The following ADARB2 variants were observed in gnomAD, a reference collection of about 807,000 sequenced individuals.
ADARB2 encodes adenosine deaminase RNA specific B2 (inactive), also known as inactive double-stranded RNA-specific editase B2.
In ADARB2, 25 loss-of-function variants were observed where a neutral mutation model predicts 62.2. The observed-to-expected ratio is 0.40, with a 90% CI of 0.29 to 0.56. The LOEUF (loss-of-function observed/expected upper bound fraction) is 0.56. ADARB2 is among the 20% of genes least tolerant of loss of function. ADARB2 has a pLI of 0.43. For missense variants in ADARB2, 1,071 were observed against 1,077.4 expected (o/e 0.99, Z 0.08); for synonymous variants, 572 against 500.8 (o/e 1.14, Z -1.90).
chr10:1,338,854 G>T (rs1360092729), intron 3 of ADARB2, among the ~76,000 whole-genome samples: 1 of 152,106 alleles, frequency 6.6e-6, no homozygotes, highest in Non-Finnish European at 1.5e-5. Context: ...TTCCTTGCAT[G>T]GGCTGGAGGG....
chr10:1,399,188 C>G (rs890612495), intron 1 of ADARB2, among the ~76,000 whole-genome samples: 5 of 152,142 alleles, frequency 3.3e-5, no homozygotes, highest in Admixed American at 2.0e-4. Context: ...GCAGTCAGTC[C>G]CCTGTGCTGA....
rs544650835 is a variant in ADARB2, at chr10:1,259,008, C to T, written c.1192+11947G>A. ...GGATTAAGAAACTCAGTCAAAACTG[C>T]TCAACTACATGGAAACTGAACAACC... On this transcript the variant is annotated intron_variant, in intron 4 of 9. Coordinates refer to ENST00000381312, the MANE Select transcript of ADARB2 (RefSeq NM_018702.4). Among the ~76,000 whole-genome samples, 6 of 152,338 alleles carry T rather than the reference C, an allele frequency of 3.9e-5. No homozygotes were observed. The South Asian group carries it at 1.2e-3, about 32-fold the overall frequency.
Position 1,327,727 on chromosome 10 carries a change from A to G in ADARB2, c.1077+35301T>C, listed in dbSNP as rs117573494. Among the ~76,000 whole-genome samples the G allele has an allele frequency of 7.1e-4, 20 of 28,232 alleles. 2 individuals carry two copies. Among genetic ancestry groups the G allele is most frequent in the Non-Finnish European group, 7.5e-4 (10 of 13,362 alleles). 18.5% of individuals were successfully genotyped at this position (28,232 alleles called of 152,430 possible). A position where few individuals can be genotyped will look rare whatever the true frequency, so the allele number is the denominator to read the frequency against. On this transcript the variant is annotated intron_variant, in intron 3 of 9. Transcript: ENST00000381312. ...GTTTAGTGCCTACCCACAGTTCAGC[A>G]CCTCCCACGGCACAGCGCCTCACTG...
At chr10:1,494,449 A>G (rs760940618) in intron 1 of ADARB2, among the ~76,000 whole-genome samples, 114 of 152,194 alleles carry the variant, frequency 7.5e-4, no homozygotes, top group Non-Finnish European at 1.5e-3. Context: ...TAATAATAAC[A>G]CCACCAGCTA....
At chr10:1,346,690 G>T (rs1162549312) in intron 3 of ADARB2, among the ~76,000 whole-genome samples, 2 of 152,240 alleles carry the variant, frequency 1.3e-5, no homozygotes, top group African/African-American at 2.4e-5. Context: ...GATGCCAGGG[G>T]TGCCCCACCC....
At chr10:1,257,278 G>A (rs557673299) in intron 4 of ADARB2, among the ~76,000 whole-genome samples, 23 of 152,248 alleles carry the variant, frequency 1.5e-4, no homozygotes, top group African/African-American at 5.3e-4. Flanking sequence ...TGGGGAGGCC[G>A]CCCTGAACCC....
intron 1 of ADARB2, among the ~76,000 whole-genome samples, chr10:1,591,648 G>A (rs902556427): frequency 2.5e-5 from 2 of 78,836 alleles, no homozygotes; most frequent in Non-Finnish European, 5.0e-5. Flanking sequence ...CTTACACACA[G>A]AGGCGTGCAC....
chr10:1,309,919 C>G (rs1831673187), intron 3 of ADARB2, among the ~76,000 whole-genome samples: 1 of 152,254 alleles, frequency 6.6e-6, no homozygotes, highest in Non-Finnish European at 1.5e-5. Flanking sequence ...TGCGGGCACA[C>G]CTGGGGCCGC....
intron 7 of ADARB2, among the ~76,000 whole-genome samples, chr10:1,210,632 C>G (rs1837138214): frequency 6.6e-6 from 1 of 152,222 alleles, no homozygotes. Context: ...CATCATCAAT[C>G]ACGTCGCAGC....
At chr10:1,598,650 G>T (rs1833367671) in intron 1 of ADARB2, among the ~76,000 whole-genome samples, 1 of 152,216 alleles carries the variant, frequency 6.6e-6, no homozygotes, top group African/African-American at 2.4e-5. Context: ...GAGGAGAGGA[G>T]GAAGGATCCC....
At chr10:1,553,740 G>T (rs1281273673) in intron 1 of ADARB2, among the ~76,000 whole-genome samples, 8 of 152,116 alleles carry the variant, frequency 5.3e-5, no homozygotes, top group Non-Finnish European at 1.5e-5. Flanking sequence ...TAAGAATAAA[G>T]AAGGCGTTTG....
chr10:1,593,053 G>A (rs1833282194), intron 1 of ADARB2, among the ~76,000 whole-genome samples: 1 of 83,900 alleles, frequency 1.2e-5, no homozygotes. Context: ...TCTCTGGCAT[G>A]GTCCCCTCTG....
intron 1 of ADARB2, among the ~76,000 whole-genome samples, chr10:1,382,727 A>C (rs1403030388): frequency 2.9e-5 from 4 of 140,074 alleles, no homozygotes; most frequent in African/African-American, 1.1e-4. Flanking sequence ...TTTTTGCCTC[A>C]GTTCTGGACC....
At chr10:1,572,774 T>C (rs375937449) in intron 1 of ADARB2, among the ~76,000 whole-genome samples, 6 of 152,314 alleles carry the variant, frequency 3.9e-5, no homozygotes, top group South Asian at 4.1e-4. Flanking sequence ...TGCTGCAGCC[T>C]GGGCTCCCCA....
intron 2 of ADARB2, among the ~76,000 whole-genome samples, chr10:1,370,269 C>A (rs1832356901): frequency 4.1e-5 from 2 of 49,104 alleles, no homozygotes; most frequent in Non-Finnish European, 2.5e-4. Context: ...ATGATAAAAA[C>A]TGTCAACAAA....
intron 1 of ADARB2, among the ~76,000 whole-genome samples, chr10:1,633,942 G>T (rs1469924411): frequency 6.6e-6 from 1 of 152,106 alleles, no homozygotes; most frequent in Non-Finnish European, 1.5e-5. Context: ...CATCCTACAT[G>T]GCACCTCACG....
intron 1 of ADARB2, among the ~76,000 whole-genome samples, chr10:1,638,995 G>A (rs1160596269): frequency 1.3e-5 from 2 of 152,236 alleles, no homozygotes; most frequent in Non-Finnish European, 2.9e-5. Context: ...CCGTCTTGGC[G>A]AGTGTCTTGG....
intron 1 of ADARB2, among the ~76,000 whole-genome samples, chr10:1,525,049 A>G (rs2131954240): frequency 6.6e-6 from 1 of 152,312 alleles, no homozygotes; most frequent in Admixed American, 6.5e-5. Context: ...CTTTAGTAAT[A>G]AAATAATAAT....
chr10:1,355,392 C>T (rs1276891182), intron 3 of ADARB2, among the ~76,000 whole-genome samples: 4 of 152,230 alleles, frequency 2.6e-5, no homozygotes, highest in South Asian at 2.1e-4. Flanking sequence ...CTCCACCCCT[C>T]AGTGACTAGA....
Sources: allele counts gnomAD v4.1 joint callset (sites outside exome capture counted in the v4.1 genomes callset), GRCh38; gene constraint gnomAD v4.1.1; transcripts MANE v1.5; gene names NCBI Gene and HGNC (gene_info 2026-07-23, HGNC 2026-07-21).